SH3BGRL2: variants seen among roughly 807,000 people sequenced by gnomAD.
SH3BGRL2 encodes SH3 domain binding glutamate rich protein like 2, also known as SH3 domain-binding glutamic acid-rich-like protein 2.
In SH3BGRL2, 21 loss-of-function variants were observed where a neutral mutation model predicts 14.8. That is an observed-to-expected ratio of 1.42 (90% CI 1.01 to 2.05). The LOEUF is 2.05. SH3BGRL2 is among the 30% of genes most tolerant of loss of function. The pLI is 0.00. For synonymous variants in SH3BGRL2, 50 were observed against 47.8 expected (o/e 1.05, Z -0.19); for missense variants, 147 against 130.8 (o/e 1.12, Z -0.61).
At chr6:79,684,996 T>C (rs1033236975) in intron 2 of SH3BGRL2, among the ~76,000 whole-genome samples, 4 of 152,228 alleles carry the variant, frequency 2.6e-5, no homozygotes, top group Admixed American at 2.6e-4. Context: ...GCTGATCAGC[T>C]GCATGCCCGG....
chr6:79,662,765 C>T (rs1194317879), intron 1 of SH3BGRL2, among the ~76,000 whole-genome samples: 1 of 152,158 alleles, frequency 6.6e-6, no homozygotes, highest in East Asian at 1.9e-4. Flanking sequence ...CCATTCTCCC[C>T]ATCACTTTCA....
chr6:79,603,492 T>C, the SH3BGRL2 span, among the ~76,000 whole-genome samples: 5 of 152,302 alleles, frequency 3.3e-5, no homozygotes, highest in South Asian at 1.0e-3. Flanking sequence ...TTGCCAAAAA[T>C]AAATCTAATT....
chr6:79,657,236 C>T (rs149958404), intron 1 of SH3BGRL2, among the ~76,000 whole-genome samples: 8 of 150,600 alleles, frequency 5.3e-5, no homozygotes, highest in African/African-American at 1.9e-4. Flanking sequence ...AAGAAGAACA[C>T]TCTTGTCTGC....
the SH3BGRL2 span, among the ~76,000 whole-genome samples, chr6:79,590,424 G>GAGATATATATATATATATATATAT: frequency 1.5e-5 from 1 of 66,666 alleles, no homozygotes; most frequent in African/African-American, 7.1e-5. Context: ...AAGAAAATGT[G>GAGATATATATATATATATATATAT]ATATATATAT....
intron 2 of SH3BGRL2, among the ~76,000 whole-genome samples, chr6:79,691,631 T>G (rs1179260270): frequency 2.6e-5 from 4 of 151,208 alleles, no homozygotes; most frequent in Non-Finnish European, 5.9e-5. Context: ...TTGCGATAGT[T>G]TGCTGAGAAT....
chr6:79,650,228 C>G (rs961598862), intron 1 of SH3BGRL2, among the ~76,000 whole-genome samples: 1 of 152,078 alleles, frequency 6.6e-6, no homozygotes, highest in Non-Finnish European at 1.5e-5. Context: ...CAGAAAGATA[C>G]AAAAGTTCCC....
the SH3BGRL2 span, among the ~76,000 whole-genome samples, chr6:79,542,802 T>G: frequency 6.6e-6 from 1 of 152,226 alleles, no homozygotes; most frequent in African/African-American, 2.4e-5. Context: ...ACTGAATGAA[T>G]GTGCTTGTTA....
chr6:79,678,971 T>C lies in SH3BGRL2; in HGVS notation c.231+5172T>C, dbSNP rs1769937705. Among the ~76,000 whole-genome samples, 3 of 152,194 alleles carry C rather than the reference T, an allele frequency of 2.0e-5. No homozygotes were observed. In the South Asian group the frequency reaches 6.2e-4, roughly 32 times the overall value. ...AGTTTATTCTTTTTTTAAGGCTGCA[T>C]AGTATTCCATGGTGTATATGTATCA... is the stretch of plus-strand genomic sequence containing the variant. On this transcript the variant is annotated intron_variant, in intron 2 of 3. Coordinates refer to ENST00000369838, the MANE Select transcript of SH3BGRL2 (RefSeq NM_031469.4).
chr6:79,561,755 TTTGGTGATC>T, the SH3BGRL2 span, among the ~76,000 whole-genome samples: 1 of 152,306 alleles, frequency 6.6e-6, no homozygotes, highest in Non-Finnish European at 1.5e-5. Context: ...ATGTTTGTGC[TTTGGTGATC>T]TTGCCCTTCC....
intron 2 of SH3BGRL2, among the ~76,000 whole-genome samples, chr6:79,678,983 G>A (rs1769938011): frequency 6.6e-6 from 1 of 152,102 alleles, no homozygotes; most frequent in Non-Finnish European, 1.5e-5. Flanking sequence ...GTATTCCATG[G>A]TGTATATGTA....
At chr6:79,680,125 C>G (rs900495901) in intron 2 of SH3BGRL2, among the ~76,000 whole-genome samples, 3 of 152,138 alleles carry the variant, frequency 2.0e-5, no homozygotes, top group African/African-American at 7.2e-5. Context: ...GTTACTTGTA[C>G]TCTTGGTATC....
At chr6:79,579,381 G>A in the SH3BGRL2 span, among the ~76,000 whole-genome samples, 1 of 152,192 alleles carries the variant, frequency 6.6e-6, no homozygotes, top group Non-Finnish European at 1.5e-5. Context: ...AGGAAAAAGT[G>A]TTAAGGGCAC....
At chr6:79,671,563 T>C (rs2127732660) in intron 1 of SH3BGRL2, among the ~76,000 whole-genome samples, 2 of 152,378 alleles carry the variant, frequency 1.3e-5, no homozygotes, top group Middle Eastern at 6.8e-3. Flanking sequence ...GTAAGATTCA[T>C]TTCATTTCAG....
intron 1 of SH3BGRL2, among the ~76,000 whole-genome samples, chr6:79,652,323 T>G (rs1769312963): frequency 6.6e-6 from 1 of 152,194 alleles, no homozygotes; most frequent in Non-Finnish European, 1.5e-5. Flanking sequence ...TATAGCGACT[T>G]TACTGAGTAA....
Position 79,699,574 on chromosome 6 carries a change from C to G in SH3BGRL2, c.*65C>G. 1 of 1,415,962 alleles carries G rather than the reference C, an allele frequency of 7.1e-7. No individual in the cohort carries two copies. The highest frequency in any genetic ancestry group is 9.3e-7 in the Non-Finnish European group (1 of 1,076,118). The allele number at this position is 1,415,962 out of a possible 1,614,324, so 87.7% of individuals were successfully genotyped here. A position where few individuals can be genotyped will look rare whatever the true frequency, so the allele number is the denominator to read the frequency against. On this transcript the variant is annotated 3_prime_UTR_variant, in exon 4 of 4. Transcript: ENST00000369838. ...ACCCCTGGTACTCAGCACACACATG[C>G]TTACCTAATGCATCACTGTGACAAA...
the SH3BGRL2 span, chr6:79,575,264 C>T: frequency 6.6e-6 from 1 of 152,052 alleles, no homozygotes; most frequent in Non-Finnish European, 1.5e-5. Flanking sequence ...ATTTTGTGTC[C>T]TTTGACTGGT....
intron 2 of SH3BGRL2, among the ~76,000 whole-genome samples, chr6:79,691,409 G>A (rs1447126520): frequency 2.0e-5 from 3 of 150,904 alleles, no homozygotes; most frequent in Admixed American, 6.6e-5. Flanking sequence ...CAATGTGCAG[G>A]TTTGTTACAT....
intron 2 of SH3BGRL2, among the ~76,000 whole-genome samples, chr6:79,693,436 A>T: frequency 6.6e-6 from 1 of 150,826 alleles, no homozygotes; most frequent in East Asian, 1.9e-4. Context: ...GTCTTGTGCC[A>T]GTTTTCAAAG....
At chr6:79,616,173 C>T in the SH3BGRL2 span, among the ~76,000 whole-genome samples, 1 of 152,178 alleles carries the variant, frequency 6.6e-6, no homozygotes, top group Non-Finnish European at 1.5e-5. Flanking sequence ...CTGAAGTCAC[C>T]TTCTTCTGTT....
Sources: gnomAD v4.1 joint callset for allele counts (sites outside exome capture counted in the v4.1 genomes callset) on GRCh38, gnomAD v4.1.1 for gene constraint, MANE v1.5 for transcripts, NCBI Gene and HGNC (gene_info 2026-07-23, HGNC 2026-07-21) for gene names.